The following DNAH3 variants were observed in gnomAD, a reference collection of about 807,000 sequenced individuals.
The protein encoded by DNAH3 is dynein axonemal heavy chain 3, also known as axonemal beta dynein heavy chain 3.
DNAH3 carries 332 observed loss-of-function variants against 432.5 expected under a neutral mutation model. The observed-to-expected ratio is 0.77, with a 90% CI of 0.70 to 0.84. The LOEUF is 0.84. Among genes scored for constraint, DNAH3 ranks in the 40% least tolerant of loss-of-function variants. DNAH3 has a pLI of 0.00. For synonymous variants in DNAH3, 1,956 were observed against 1,900.2 expected (o/e 1.03, Z -0.76); for missense variants, 4,861 against 5,114.0 (o/e 0.95, Z 1.51).
intron 8 of DNAH3, 98 bp from the exon 10 acceptor site, chr16:21,125,468 C>G: frequency 1.1e-6 from 1 of 935,146 alleles, no homozygotes; most frequent in Non-Finnish European, 1.5e-6. Flanking sequence ...CAGATGGGCT[C>G]AATGTCCCAC....
intron 35 of DNAH3, among the ~76,000 whole-genome samples, chr16:21,034,432 C>G (rs887706534): frequency 5.9e-5 from 9 of 152,330 alleles, no homozygotes; most frequent in African/African-American, 2.2e-4. Flanking sequence ...AATACTTGCC[C>G]AAGTTCATCA....
intron 54 of DNAH3, among the ~76,000 whole-genome samples, chr16:20,956,204 C>T (rs1195852858): frequency 6.6e-6 from 1 of 152,170 alleles, no homozygotes; most frequent in African/African-American, 2.4e-5. Flanking sequence ...CTAGGATTTA[C>T]AGGTGTGAGC....
intron 19 of DNAH3, among the ~76,000 whole-genome samples, chr16:21,084,287 A>G (rs1243963594): frequency 6.6e-6 from 1 of 151,934 alleles, no homozygotes; most frequent in Non-Finnish European, 1.5e-5. Flanking sequence ...CAATATCATC[A>G]TTATTATTAT....
chr16:20,956,589 C>T (rs1469652433), intron 54 of DNAH3, among the ~76,000 whole-genome samples: 2 of 152,210 alleles, frequency 1.3e-5, no homozygotes, highest in Non-Finnish European at 2.9e-5. Flanking sequence ...AAAATGTCAA[C>T]ATAAATAACT....
intron 53 of DNAH3, among the ~76,000 whole-genome samples, chr16:20,962,414 G>A (rs2084867058): frequency 6.6e-6 from 1 of 152,146 alleles, no homozygotes; most frequent in Non-Finnish European, 1.5e-5. Context: ...AAACTCCCCA[G>A]GTGATTCCAA....
At chr16:21,121,009 G>A (rs1221634615) in intron 10 of DNAH3, 3 of 713,380 alleles carry the variant, frequency 4.2e-6, no homozygotes, top group Admixed American at 4.0e-5. Flanking sequence ...AGATTGCAAA[G>A]AGAAGAATGC....
rs541624268 is a variant in DNAH3 at position 21,000,437 on chromosome 16, T to C, written c.6208A>G (p.Met2070Val). Reference sequence around the variant, plus strand: ...GTGCCTGTGGGACCCACGAACAGCATTGGAATCTCATGGTCTAAGTAGGTT... The same window carrying C: ...GTGCCTGTGGGACCCACGAACAGCACTGGAATCTCATGGTCTAAGTAGGTT... Residue 2070 changes from methionine (M) to valine (V), a missense_variant, in exon 43 of 62, where the codon ATG becomes GTG. Coordinates refer to ENST00000261383, the Ensembl canonical transcript of DNAH3. 68 of 1,614,026 alleles carry C rather than the reference T, an allele frequency of 4.2e-5. No individual in the cohort carries two copies. The highest frequency in any genetic ancestry group is 1.0e-4 in the Admixed American group (6 of 60,000).
intron 37 of DNAH3, among the ~76,000 whole-genome samples, chr16:21,030,263 C>T (rs2088807145): frequency 6.6e-6 from 1 of 152,182 alleles, no homozygotes; most frequent in Non-Finnish European, 1.5e-5. Flanking sequence ...TCAAGCATAG[C>T]TCTTAATATC....
chr16:20,960,559 T>C (rs2084772316), intron 53 of DNAH3, among the ~76,000 whole-genome samples: 2 of 152,046 alleles, frequency 1.3e-5, no homozygotes, highest in South Asian at 4.2e-4. Flanking sequence ...ATTAACTAAT[T>C]AGCTGGGTGG....
At position 21,000,979 on chromosome 16, in the gene DNAH3, C is replaced by T. The variant is rs369536625; in HGVS notation, c.6127-461G>A. Reference sequence around the variant, plus strand: ...AGAGCATTGCTCTGAACCAACTTGTCTCCCTTGTCCCAGGCAAGGTCTACC... The same window carrying T: ...AGAGCATTGCTCTGAACCAACTTGTTTCCCTTGTCCCAGGCAAGGTCTACC... On this transcript the variant is annotated intron_variant, in intron 42 of 61. Coordinates refer to ENST00000261383, the Ensembl canonical transcript of DNAH3. 9.8e-5 allele frequency among the ~76,000 whole-genome samples: 15 copies of T among 152,338 alleles called. 2 individuals carry two copies. Among genetic ancestry groups the T allele is most frequent in the Admixed American group, 4.6e-4 (7 of 15,302 alleles).
chr16:20,935,139 T>C (rs958778157), intron 61 of DNAH3, among the ~76,000 whole-genome samples: 11 of 152,230 alleles, frequency 7.2e-5, no homozygotes, highest in Non-Finnish European at 1.6e-4. Context: ...ATTCCCTTTT[T>C]GTATACACAG....
At chr16:21,049,867 G>A (rs774005045) in intron 30 of DNAH3, 43 bp downstream of exon 30, 1 of 1,528,194 alleles carries the variant, frequency 6.5e-7, no homozygotes, top group Admixed American at 1.7e-5. Context: ...GGGGTGCAGA[G>A]AGGGCCTGGA....
rs915769068 is a variant in DNAH3 at position 20,987,615 on chromosome 16, T to A, written c.6882+78A>T. 1.9e-6 allele frequency: 3 copies of A among 1,569,172 alleles called. No homozygotes were observed. In the African/African-American group the frequency reaches 4.1e-5, roughly 21 times the overall value. ...GACTAAGTGCCTAATAAAAGTTAGC[T>A]ATTACTGCTATTACTACATGTTCTA... On this transcript the variant is annotated intron_variant, in intron 46 of 61. Transcript: ENST00000261383.
chr16:21,067,762 G>GGGGGT (rs2090610306), intron 23 of DNAH3, among the ~76,000 whole-genome samples: 2 of 49,826 alleles, frequency 4.0e-5, no homozygotes, highest in Admixed American at 2.5e-4. Context: ...AGTCTTGGGG[G>GGGGGT]GGGGGGTGGG....
intron 38 of DNAH3, 91 bp from the exon 39 acceptor site, chr16:21,024,792 C>T (rs1480183170): frequency 2.1e-6 from 2 of 971,372 alleles, no homozygotes; most frequent in African/African-American, 3.2e-5. Context: ...ATGTCAGGCA[C>T]CATGCTAGGC....
At chr16:20,938,120 G>A (rs2083663227) in intron 59 of DNAH3, among the ~76,000 whole-genome samples, 1 of 152,202 alleles carries the variant, frequency 6.6e-6, no homozygotes, top group African/African-American at 2.4e-5. Context: ...AGCTGGGTGT[G>A]GGGGCTCACG....
exon 11 of DNAH3, chr16:21,120,794 T>G: frequency 6.2e-7 from 1 of 1,614,214 alleles, no homozygotes; most frequent in Non-Finnish European, 8.5e-7. Flanking sequence ...TCAGCTGCTT[T>G]CACACATTGC....
intron 19 of DNAH3, among the ~76,000 whole-genome samples, chr16:21,084,169 A>G (rs1310506122): frequency 6.6e-6 from 1 of 152,120 alleles, no homozygotes; most frequent in African/African-American, 2.4e-5. Flanking sequence ...TGAAATGGAG[A>G]TAATAATAAT....
At chr16:21,115,363 C>T (rs1199305346) in intron 12 of DNAH3, among the ~76,000 whole-genome samples, 9 of 144,304 alleles carry the variant, frequency 6.2e-5, no homozygotes, top group Admixed American at 1.4e-4. Flanking sequence ...GCACGTTGTG[C>T]ACATGTAACC....
Sources: gnomAD v4.1 joint callset for allele counts (sites outside exome capture counted in the v4.1 genomes callset) on GRCh38, gnomAD v4.1.1 for gene constraint, MANE v1.5 for transcripts, NCBI Gene and HGNC (gene_info 2026-07-23, HGNC 2026-07-21) for gene names.